TLE1: variants seen among roughly 807,000 people sequenced by gnomAD.
TLE1 encodes transducin-like enhancer protein 1.
Under a neutral mutation model 89.8 loss-of-function variants are expected in TLE1, and 21 were observed. The ratio of observed to expected loss-of-function variants is 0.23; its 90% CI spans 0.17 to 0.34. TLE1 has a LOEUF of 0.34. TLE1 is among the 10% of genes least tolerant of loss of function. The pLI is 1.00. For synonymous variants in TLE1, 447 were observed against 407.6 expected, an observed-to-expected ratio of 1.10 and a Z score of -1.16; for missense variants, 795 against 1,031.2, an observed-to-expected ratio of 0.77 and a Z score of 3.14.
At position 81,689,536 on chromosome 9, in the gene TLE1, G is replaced by A. The variant is rs1834762622; in HGVS notation, c.-1296C>T. ...CGCCGCCGCCGCCCGCGCCTCTCGC[G>A]CCGCTTACATTAACACGCGGTTTCA... On this transcript the variant is annotated 5_prime_UTR_variant, in exon 1 of 20. Transcript: ENST00000376499. Among the ~76,000 whole-genome samples, 1 of 152,106 alleles carries A rather than the reference G, an allele frequency of 6.6e-6. No homozygotes were observed. Among genetic ancestry groups the A allele is most frequent in the African/African-American group, 2.4e-5 (1 of 41,444 alleles).
At chr9:81,671,255 T>C (rs571469301) in intron 4 of TLE1, among the ~76,000 whole-genome samples, 4 of 151,664 alleles carry the variant, frequency 2.6e-5, no homozygotes, top group Non-Finnish European at 2.9e-5. Flanking sequence ...AGCAAATGCC[T>C]GTAATCCCAG....
At chr9:81,640,933 C>T (rs953596260) in intron 6 of TLE1, among the ~76,000 whole-genome samples, 1 of 152,146 alleles carries the variant, frequency 6.6e-6, no homozygotes, top group South Asian at 2.1e-4. Context: ...ATTTCTGAAA[C>T]TTCACCCGCT....
chr9:81,633,355 G>A lies in TLE1; in HGVS notation c.587C>T (p.Pro196Leu), dbSNP rs555773054. The change falls in exon 8 of 20, where the codon CCG becomes CTG. Residue 196 changes from proline to leucine, a missense_variant. Physicochemically the swap from Pro to Leu is moderately conservative, Grantham distance 98. Around this residue, in one of 4 missense-constraint regions of TLE1, gnomAD observed 468 missense variants for 509.1 expected, o/e 0.92. Transcript: ENST00000376499. ...HDAEHHRDRE[P>L]GTSNSLLVPD... ...AGGCGTTTGAGTACTTACTGTGCCC[G>A]GCTCTCTGTCTGCTCCCGAGGTTAC... The A allele has an allele frequency of 4.4e-5, 71 of 1,612,902 alleles. No homozygotes were observed. The highest frequency in any genetic ancestry group is 8.0e-5 in the African/African-American group (6 of 74,744).
intron 8 of TLE1, among the ~76,000 whole-genome samples, chr9:81,623,750 A>G (rs1825577936): frequency 6.6e-6 from 1 of 152,100 alleles, no homozygotes; most frequent in African/African-American, 2.4e-5. Context: ...AGATCGTGCC[A>G]CTGCACTCCA....
At position 81,666,432 on chromosome 9, in the gene TLE1, A is replaced by ACAT. The variant is rs147482247; in HGVS notation, c.235-12399_235-12397dup. On this transcript the variant is annotated intron_variant, in intron 4 of 19. Coordinates refer to ENST00000376499, the MANE Select transcript of TLE1 (RefSeq NM_005077.5). ...GGATTAGTGGGAGGAAAAGTAGACT[A>ACAT]CATCATCATCATCACTGGTTGAAGG... 2.1e-3 allele frequency among the ~76,000 whole-genome samples: 318 copies of ACAT among 152,278 alleles called. 2 individuals are homozygous for ACAT. The highest frequency in any genetic ancestry group is 1.1e-3 in the Non-Finnish European group (73 of 68,040).
intron 4 of TLE1, among the ~76,000 whole-genome samples, chr9:81,678,986 A>G (rs190213051): frequency 4.2e-4 from 64 of 152,212 alleles, no homozygotes; most frequent in Admixed American, 3.8e-3. Flanking sequence ...ACCAAAAAAT[A>G]ATTTAAAAAA....
chr9:81,667,071 T>C (rs58094348), intron 4 of TLE1, among the ~76,000 whole-genome samples: 7,128 of 150,864 alleles, frequency 0.047, 500 homozygotes, highest in African/African-American at 0.15. Context: ...GTTTGGAGTT[T>C]TGATTAAGCC....
At chr9:81,615,949 C>T (rs1460490380) in intron 11 of TLE1, 33 bp downstream of exon 11, 2 of 1,611,422 alleles carry the variant, frequency 1.2e-6, no homozygotes, top group African/African-American at 1.3e-5. Flanking sequence ...AAATACACTG[C>T]CAAACAGGCA....
intron 4 of TLE1, among the ~76,000 whole-genome samples, chr9:81,675,300 G>A (rs1266324589): frequency 2.0e-5 from 3 of 151,298 alleles, no homozygotes; most frequent in East Asian, 1.9e-4. Context: ...AAAATGTTTG[G>A]GAGAATGGAA....
At chr9:81,667,743 G>A (rs1159758432) in intron 4 of TLE1, among the ~76,000 whole-genome samples, 1 of 152,186 alleles carries the variant, frequency 6.6e-6, no homozygotes, top group East Asian at 1.9e-4. Context: ...TGGCTGGGGA[G>A]AGGTGGTCCT....
At position 81,688,142 on chromosome 9, in the gene TLE1, C is replaced by T; in HGVS notation, c.24+75G>A. The T allele has an allele frequency of 1.9e-6, 3 of 1,576,142 alleles. No individual in the cohort carries two copies. In the South Asian group the frequency reaches 3.4e-5, roughly 18 times the overall value. The stretch of plus-strand genomic sequence containing the variant: ...AAGGTCCGCCGGGCCTCAGAAGCCA[C>T]CAGTCTCCCTACCGCCCGGGAGAAG... On this transcript the variant is annotated intron_variant, in intron 1 of 19. Transcript: ENST00000376499.
At chr9:81,600,946 G>A (rs1830836180) in intron 14 of TLE1, among the ~76,000 whole-genome samples, 1 of 152,194 alleles carries the variant, frequency 6.6e-6, no homozygotes, top group Non-Finnish European at 1.5e-5. Context: ...GCCTCAGCTT[G>A]GAGTAGAACT....
At chr9:81,687,253 A>G (rs1273912800) in intron 2 of TLE1, 81 bp downstream of exon 2, 5 of 1,190,260 alleles carry the variant, frequency 4.2e-6, no homozygotes, top group Non-Finnish European at 6.0e-6. Flanking sequence ...AGAACTAAGT[A>G]CAGGCGCCGC....
At chr9:81,666,876 T>C (rs955768945) in intron 4 of TLE1, among the ~76,000 whole-genome samples, 2 of 152,012 alleles carry the variant, frequency 1.3e-5, no homozygotes, top group East Asian at 1.9e-4. Flanking sequence ...ATCAGCACTT[T>C]TGAGAGCAAG....
At chr9:81,630,260 C>T (rs1360886743) in intron 8 of TLE1, among the ~76,000 whole-genome samples, 2 of 152,050 alleles carry the variant, frequency 1.3e-5, no homozygotes, top group African/African-American at 4.8e-5. Flanking sequence ...TCTTCCTAAA[C>T]GTCAACTAAA....
At chr9:81,612,420 G>A in intron 12 of TLE1, 1 of 947,212 alleles carries the variant, frequency 1.1e-6, no homozygotes, top group Non-Finnish European at 1.3e-6. Flanking sequence ...CAAAGCACGG[G>A]TTTAGGAGGA....
At chr9:81,596,473 C>G (rs1312623922) in intron 14 of TLE1, among the ~76,000 whole-genome samples, 1 of 151,988 alleles carries the variant, frequency 6.6e-6, no homozygotes, top group East Asian at 1.9e-4. Context: ...TATTCACCTA[C>G]AATAATAACA....
At chr9:81,591,214 T>C (rs959754440) in intron 15 of TLE1, among the ~76,000 whole-genome samples, 162 bp from the exon 16 acceptor site, 5 of 152,214 alleles carry the variant, frequency 3.3e-5, no homozygotes, top group Non-Finnish European at 7.3e-5. Context: ...AGTACAACTG[T>C]CTCCTTCAAA....
intron 8 of TLE1, among the ~76,000 whole-genome samples, chr9:81,621,173 G>A (rs1051890467): frequency 6.6e-6 from 1 of 152,122 alleles, no homozygotes; most frequent in Admixed American, 6.6e-5. Context: ...ATCTTCAATA[G>A]CAAGGCCAGC....
Sources: gnomAD v4.1 joint callset for allele counts (sites outside exome capture counted in the v4.1 genomes callset) on GRCh38, gnomAD v4.1.1 for gene constraint, gnomAD v4.1.1 regional missense constraint, MANE v1.5 for transcripts, NCBI Gene and HGNC (gene_info 2026-07-23, HGNC 2026-07-21) for gene names.